PDE3A: variants seen among roughly 807,000 people sequenced by gnomAD.
PDE3A encodes phosphodiesterase 3A.
A neutral mutation model predicts 98.3 loss-of-function variants in PDE3A; 43 were observed. The ratio of observed to expected loss-of-function variants is 0.44; its 90% CI spans 0.34 to 0.56. The LOEUF (loss-of-function observed/expected upper bound fraction) is 0.56. Ranked by LOEUF, PDE3A falls within the 20% of genes least tolerant of loss-of-function variation. The pLI, the probability that PDE3A is intolerant of heterozygous loss-of-function variation, is 0.01. For missense variants in PDE3A, 1,427 were observed against 1,440.7 expected, an observed-to-expected ratio of 0.99 and a Z score of 0.15; for synonymous variants, 663 against 567.9, an observed-to-expected ratio of 1.17 and a Z score of -2.38.
intron 10 of PDE3A, among the ~76,000 whole-genome samples, chr12:20,644,080 G>C (rs1019414744): frequency 2.0e-5 from 3 of 150,358 alleles, no homozygotes; most frequent in Non-Finnish European, 4.4e-5. Context: ...CTGGCATATA[G>C]TAATCTTCCC....
At position 20,613,719 on chromosome 12, in the gene PDE3A, C is replaced by G; in HGVS notation, c.1269+19C>G. On this transcript the variant is annotated intron_variant, in intron 3 of 15. Transcript: ENST00000359062. ...TCCAAAGGTAGGTAGTAATGACATACCCCTTAAAGGGTTAAACTATTTTTT... is the reference window on the plus strand; with the variant it reads ...TCCAAAGGTAGGTAGTAATGACATAGCCCTTAAAGGGTTAAACTATTTTTT... 6.2e-7 allele frequency: 1 copy of G among 1,603,410 alleles called. No individual in the cohort carries two copies.
intron 15 of PDE3A, among the ~76,000 whole-genome samples, chr12:20,666,739 T>C (rs1945323707): frequency 6.6e-6 from 1 of 152,208 alleles, no homozygotes; most frequent in South Asian, 2.1e-4. Context: ...GCAATAAATA[T>C]GGGGGTGCAA....
intron 1 of PDE3A, among the ~76,000 whole-genome samples, chr12:20,494,865 A>C (rs1347713208): frequency 1.9e-5 from 1 of 52,888 alleles, no homozygotes; most frequent in African/African-American, 6.2e-5. Flanking sequence ...TATTTTAAAC[A>C]ATTCCGCAAA....
At chr12:20,409,973 A>G (rs1444629) in intron 1 of PDE3A, among the ~76,000 whole-genome samples, 96,281 of 152,046 alleles carry the variant, frequency 0.63, 31,824 homozygotes, top group East Asian at 0.88. Flanking sequence ...AAATATTGCT[A>G]TAGGATACTT....
At chr12:20,425,118 C>T (rs1157430429) in intron 1 of PDE3A, among the ~76,000 whole-genome samples, 1 of 152,060 alleles carries the variant, frequency 6.6e-6, no homozygotes, top group Non-Finnish European at 1.5e-5. Flanking sequence ...CATGGGTTGC[C>T]AAAAATATCC....
intron 4 of PDE3A, among the ~76,000 whole-genome samples, chr12:20,619,281 G>A (rs550477191): frequency 1.3e-5 from 2 of 151,766 alleles, no homozygotes; most frequent in African/African-American, 4.8e-5. Flanking sequence ...ATTTATTAAA[G>A]ATACTCTAGT....
intron 2 of PDE3A, among the ~76,000 whole-genome samples, chr12:20,579,710 C>T (rs1943021083): frequency 6.6e-6 from 1 of 152,160 alleles, no homozygotes; most frequent in African/African-American, 2.4e-5. Flanking sequence ...CAGCAACAGC[C>T]CACTCTGGGT....
At chr12:20,627,546 C>A (rs2121499887) in intron 5 of PDE3A, among the ~76,000 whole-genome samples, 1 of 151,990 alleles carries the variant, frequency 6.6e-6, no homozygotes, top group South Asian at 2.1e-4. Context: ...TTCATGAGGC[C>A]TCTATTCAAA....
chr12:20,635,469 G>A lies in PDE3A; in HGVS notation c.2001+413G>A, dbSNP rs188083717. ...GGCACGCACCTGTATTCCCAGCTAC[G>A]CAGGAGGCTGAGGCAGTAGAATCGC... is the stretch of plus-strand genomic sequence containing the variant. On this transcript the variant is annotated intron_variant, in intron 8 of 15. Transcript: ENST00000359062. Among the ~76,000 whole-genome samples, 204 of 151,862 alleles carry A rather than the reference G, an allele frequency of 1.3e-3. 1 individual carries two copies. The highest frequency in any genetic ancestry group is 4.1e-3 in the African/African-American group (171 of 41,432).
intron 1 of PDE3A, among the ~76,000 whole-genome samples, chr12:20,396,986 T>C (rs528446504): frequency 6.6e-6 from 1 of 151,126 alleles, no homozygotes; most frequent in Admixed American, 6.6e-5. Context: ...TAATGCTTAA[T>C]CTCTCAAAGC....
chr12:20,543,751 G>C (rs1027166946), intron 1 of PDE3A, among the ~76,000 whole-genome samples: 6 of 151,934 alleles, frequency 3.9e-5, no homozygotes, highest in Non-Finnish European at 8.8e-5. Context: ...CAATGAATTA[G>C]ATTGCAACAA....
At chr12:20,497,043 A>C (rs989661834) in intron 1 of PDE3A, among the ~76,000 whole-genome samples, 2 of 152,284 alleles carry the variant, frequency 1.3e-5, no homozygotes, top group African/African-American at 4.8e-5. Context: ...TTACGTGTTG[A>C]AGTGGGCGCT....
chr12:20,415,172 C>A (rs1944402274), intron 1 of PDE3A, among the ~76,000 whole-genome samples: 1 of 151,512 alleles, frequency 6.6e-6, no homozygotes, highest in Admixed American at 6.6e-5. Flanking sequence ...GTTTCCCTAA[C>A]CCTTACCCCA....
intron 1 of PDE3A, among the ~76,000 whole-genome samples, chr12:20,384,299 C>T (rs1308889876): frequency 2.6e-5 from 4 of 151,090 alleles, no homozygotes; most frequent in African/African-American, 9.7e-5. Context: ...GAAATAAATT[C>T]TAATCAAGCA....
Position 20,368,872 on chromosome 12 carries a change from A to C in PDE3A, c.-413A>C, listed in dbSNP as rs1943396901. On this transcript the variant is annotated 5_prime_UTR_variant, in exon 1 of 16. Transcript: ENST00000359062. ...CCCGCCCTGCGCCCCCGGCTCCTCCAGCGTCAGCGGCTCCTGCGCGCGGGA... is the reference window on the plus strand; with the variant it reads ...CCCGCCCTGCGCCCCCGGCTCCTCCCGCGTCAGCGGCTCCTGCGCGCGGGA... 6.6e-6 allele frequency among the ~76,000 whole-genome samples: 1 copy of C among 151,792 alleles called. No homozygotes were observed. The highest frequency in any genetic ancestry group is 2.1e-4 in the South Asian group (1 of 4,810).
intron 1 of PDE3A, among the ~76,000 whole-genome samples, chr12:20,495,623 T>C (rs911061504): frequency 6.6e-6 from 1 of 152,196 alleles, no homozygotes; most frequent in Non-Finnish European, 1.5e-5. Context: ...TGTTAGACAT[T>C]TTTGTTGTTT....
At chr12:20,405,763 C>G (rs1245965009) in intron 1 of PDE3A, among the ~76,000 whole-genome samples, 1 of 152,090 alleles carries the variant, frequency 6.6e-6, no homozygotes, top group Admixed American at 6.6e-5. Context: ...AAAGTCTGCT[C>G]TCTTAGCAAA....
chr12:20,372,997 C>A (rs1379714304), intron 1 of PDE3A, among the ~76,000 whole-genome samples: 3 of 152,042 alleles, frequency 2.0e-5, no homozygotes, highest in African/African-American at 7.2e-5. Context: ...GATAAAAATT[C>A]TCATAAGAGA....
At chr12:20,519,076 G>C (rs57181023) in intron 1 of PDE3A, among the ~76,000 whole-genome samples, 10,199 of 152,228 alleles carry the variant, frequency 0.067, 717 homozygotes, top group African/African-American at 0.18. Context: ...TATGAGACTA[G>C]GAAGTATATG....
Sources: allele counts gnomAD v4.1 joint callset (sites outside exome capture counted in the v4.1 genomes callset), GRCh38; gene constraint gnomAD v4.1.1; transcripts MANE v1.5; gene names NCBI Gene and HGNC (gene_info 2026-07-23, HGNC 2026-07-21).